SAMD12: variants seen among roughly 807,000 people sequenced by gnomAD.
SAMD12 encodes the protein sterile alpha motif domain containing 12.
SAMD12 carries 9 observed loss-of-function variants against 15.0 expected under a neutral mutation model. That is an observed-to-expected ratio of 0.60 (90% CI 0.36 to 1.05). The LOEUF (loss-of-function observed/expected upper bound fraction) is 1.05, where lower values mean the gene tolerates loss of function less well. SAMD12 is among the 50% of genes least tolerant of loss of function. The pLI is 0.01. For synonymous variants in SAMD12, 86 were observed against 90.1 expected (o/e 0.96, Z 0.25); for missense variants, 230 against 234.2 (o/e 0.98, Z 0.12).
the SAMD12 span, among the ~76,000 whole-genome samples, chr8:118,173,509 C>T: frequency 8.7e-5 from 13 of 150,146 alleles, no homozygotes; most frequent in South Asian, 2.1e-4. Context: ...TTCTTTTATG[C>T]GATGGGCTAT....
chr8:118,434,349 A>G (rs1260935234), intron 3 of SAMD12, among the ~76,000 whole-genome samples: 2 of 152,264 alleles, frequency 1.3e-5, no homozygotes, highest in Non-Finnish European at 2.9e-5. Flanking sequence ...GTTCTTGTAG[A>G]CATCTAAAGG....
chr8:118,354,484 C>G (rs904987314), intron 4 of SAMD12, among the ~76,000 whole-genome samples: 1 of 152,218 alleles, frequency 6.6e-6, no homozygotes, highest in Non-Finnish European at 1.5e-5. Flanking sequence ...TATTTCTAAG[C>G]TCAGGTTTCT....
the SAMD12 span, among the ~76,000 whole-genome samples, chr8:118,135,356 A>G: frequency 3.3e-5 from 5 of 151,640 alleles, no homozygotes; most frequent in Admixed American, 1.3e-4. Context: ...TAATTTTTGT[A>G]TTTTTAGTAG....
intron 2 of SAMD12, among the ~76,000 whole-genome samples, chr8:118,468,497 G>T (rs7003981): frequency 0.017 from 2,619 of 152,220 alleles, 80 homozygotes; most frequent in African/African-American, 0.06. Flanking sequence ...CGGTTCTTCA[G>T]AGAGCTCTGT....
chr8:118,430,652 G>T (rs113139243), intron 3 of SAMD12, among the ~76,000 whole-genome samples: 2,774 of 152,144 alleles, frequency 0.018, 91 homozygotes, highest in African/African-American at 0.064. Context: ...GAGCCACCAC[G>T]CTCAGACTAA....
intron 2 of SAMD12, among the ~76,000 whole-genome samples, chr8:118,465,463 A>T (rs186199445): frequency 6.6e-6 from 1 of 152,188 alleles, no homozygotes. Context: ...TTAAATCAAT[A>T]AAAGGGACTT....
At chr8:118,582,792 A>G (rs1827329205) in intron 1 of SAMD12, among the ~76,000 whole-genome samples, 1 of 152,240 alleles carries the variant, frequency 6.6e-6, no homozygotes, top group Non-Finnish European at 1.5e-5. Flanking sequence ...GGAAAAATCC[A>G]AACTAGATTA....
chr8:118,189,816 A>G (rs1372851348), exon 5 of SAMD12: 1 of 152,106 alleles, frequency 6.6e-6, no homozygotes, highest in Non-Finnish European at 1.5e-5. Context: ...AAAAGTTTCT[A>G]AACATCTTAT....
chr8:118,161,156 G>T, the SAMD12 span, among the ~76,000 whole-genome samples: 1 of 152,144 alleles, frequency 6.6e-6, no homozygotes, highest in Admixed American at 6.5e-5. Flanking sequence ...GTATTCCATG[G>T]TGTATATGTG....
the SAMD12 span, among the ~76,000 whole-genome samples, chr8:118,163,483 G>T: frequency 6.6e-6 from 1 of 152,164 alleles, no homozygotes; most frequent in Non-Finnish European, 1.5e-5. Flanking sequence ...ATTGTACAGT[G>T]GTACTCATAC....
intron 1 of SAMD12, among the ~76,000 whole-genome samples, chr8:118,586,424 T>C (rs931052471): frequency 6.0e-5 from 9 of 150,954 alleles, no homozygotes; most frequent in African/African-American, 2.0e-4. Flanking sequence ...CTCACTGCAG[T>C]CTCAACCTCG....
chr8:118,310,470 G>A (rs1322454308), intron 4 of SAMD12, among the ~76,000 whole-genome samples: 2 of 152,198 alleles, frequency 1.3e-5, no homozygotes, highest in East Asian at 1.9e-4. Context: ...TGAGGTGGAG[G>A]CTGCACATCC....
intron 2 of SAMD12, among the ~76,000 whole-genome samples, chr8:118,560,580 C>G (rs1826674075): frequency 6.6e-6 from 1 of 152,188 alleles, no homozygotes; most frequent in South Asian, 2.1e-4. Flanking sequence ...AGCTAAAAAC[C>G]TAGTTCTCAT....
At chr8:118,466,388 T>C (rs999419311) in intron 2 of SAMD12, among the ~76,000 whole-genome samples, 14 of 152,246 alleles carry the variant, frequency 9.2e-5, no homozygotes, top group Non-Finnish European at 2.1e-4. Context: ...ATGAAATAAA[T>C]ATAATTACTA....
intron 2 of SAMD12, among the ~76,000 whole-genome samples, chr8:118,519,975 G>T (rs1205463104): frequency 6.6e-6 from 1 of 152,030 alleles, no homozygotes; most frequent in Non-Finnish European, 1.5e-5. Flanking sequence ...AGTTATAATT[G>T]CCTCTTCTGT....
intron 2 of SAMD12, among the ~76,000 whole-genome samples, chr8:118,473,686 A>T (rs1443740347): frequency 1.3e-5 from 2 of 152,090 alleles, no homozygotes; most frequent in East Asian, 3.9e-4. Context: ...TCTCCGACTC[A>T]TCATGCACCT....
chr8:118,159,560 T>C, the SAMD12 span, among the ~76,000 whole-genome samples: 2 of 151,660 alleles, frequency 1.3e-5, no homozygotes, highest in Non-Finnish European at 2.9e-5. Flanking sequence ...GCCACAGAGG[T>C]TTCCAGCTGG....
chr8:118,236,598 C>A (rs927117691), intron 4 of SAMD12, among the ~76,000 whole-genome samples: 4 of 152,208 alleles, frequency 2.6e-5, no homozygotes, highest in African/African-American at 9.6e-5. Context: ...CCTGGGCTGG[C>A]TGGAATTGTT....
chr8:118,578,466 T>A (rs571812525), intron 2 of SAMD12, among the ~76,000 whole-genome samples: 10 of 152,320 alleles, frequency 6.6e-5, no homozygotes, highest in South Asian at 4.1e-4. Context: ...CATTACTGAA[T>A]GGCTTTAGAG....
Sources: allele counts gnomAD v4.1 joint callset (sites outside exome capture counted in the v4.1 genomes callset), GRCh38; gene constraint gnomAD v4.1.1; transcripts MANE v1.5; gene names NCBI Gene and HGNC (gene_info 2026-07-23, HGNC 2026-07-21).